The following RORA variants were observed in gnomAD, a reference collection of about 807,000 sequenced individuals.
RORA encodes nuclear receptor ROR-alpha.
A neutral mutation model predicts 69.5 loss-of-function variants in RORA; 7 were observed. The observed-to-expected ratio is 0.10, with a 90% CI of 0.06 to 0.19. RORA has a LOEUF of 0.19. RORA is among the 10% of genes least tolerant of loss of function. The probability of loss-of-function intolerance (pLI) is 1.00; values close to 1 mark genes in which losing one functional copy is unlikely to be tolerated. For missense variants in RORA, 457 were observed against 663.0 expected (o/e 0.69, Z 3.41); for synonymous variants, 261 against 240.8 (o/e 1.08, Z -0.78).
At chr15:60,987,380 C>G (rs980605956) in intron 1 of RORA, among the ~76,000 whole-genome samples, 14 of 152,156 alleles carry the variant, frequency 9.2e-5, no homozygotes, top group African/African-American at 3.4e-4. Flanking sequence ...CCTACCAAAA[C>G]AGTACTGCAT....
At chr15:61,022,340 GA>G (rs1334935963) in intron 1 of RORA, among the ~76,000 whole-genome samples, 1 of 152,154 alleles carries the variant, frequency 6.6e-6, no homozygotes, top group African/African-American at 2.4e-5. Context: ...TAATTTGTGG[GA>G]AAAAATGTAT....
intron 1 of RORA, among the ~76,000 whole-genome samples, chr15:61,089,150 AC>A (rs1341871211): frequency 2.0e-5 from 3 of 152,200 alleles, no homozygotes; most frequent in Non-Finnish European, 4.4e-5. Flanking sequence ...ATGAATCAGC[AC>A]CTCAAGCATA....
intron 1 of RORA, among the ~76,000 whole-genome samples, chr15:60,979,606 C>G (rs1205027522): frequency 6.6e-6 from 1 of 152,022 alleles, no homozygotes; most frequent in African/African-American, 2.4e-5. Flanking sequence ...AGTGGCATCA[C>G]TTTCTTAATT....
chr15:61,120,088 G>C (rs1323586955), intron 1 of RORA, among the ~76,000 whole-genome samples: 1 of 152,152 alleles, frequency 6.6e-6, no homozygotes, highest in Non-Finnish European at 1.5e-5. Context: ...CCGTCTGCTT[G>C]GGCTGTGGTT....
At chr15:60,622,852 A>G (rs1483213620) in intron 2 of RORA, among the ~76,000 whole-genome samples, 2 of 151,966 alleles carry the variant, frequency 1.3e-5, no homozygotes, top group African/African-American at 4.8e-5. Flanking sequence ...AGTAGCTGGG[A>G]GTACAGGCAT....
At chr15:61,150,337 A>G (rs925825084) in intron 1 of RORA, among the ~76,000 whole-genome samples, 1 of 152,230 alleles carries the variant, frequency 6.6e-6, no homozygotes, top group African/African-American at 2.4e-5. Context: ...TACAGTGTAC[A>G]GTTTAAAAAT....
At chr15:60,759,092 G>A (rs2071844460) in intron 1 of RORA, among the ~76,000 whole-genome samples, 1 of 152,184 alleles carries the variant, frequency 6.6e-6, no homozygotes, top group Admixed American at 6.5e-5. Context: ...CCAATCAAAT[G>A]CTGAATGAAT....
At chr15:60,850,845 T>C (rs2073316220) in intron 1 of RORA, among the ~76,000 whole-genome samples, 1 of 152,184 alleles carries the variant, frequency 6.6e-6, no homozygotes, top group South Asian at 2.1e-4. Context: ...GCTTTGGGAA[T>C]GTTTCAATGA....
chr15:61,144,873 T>C (rs183733693), intron 1 of RORA, among the ~76,000 whole-genome samples: 159 of 152,300 alleles, frequency 1.0e-3, no homozygotes, highest in Non-Finnish European at 1.7e-3. Flanking sequence ...TGTCTGGAAG[T>C]GAAAGAAGGA....
intron 1 of RORA, among the ~76,000 whole-genome samples, chr15:60,776,755 T>C (rs11071557): frequency 0.2 from 30,905 of 152,090 alleles, 3,620 homozygotes; most frequent in African/African-American, 0.33. Context: ...AAGGACTGTC[T>C]AGACATGGCA....
chr15:60,637,413 T>C (rs1429455491), intron 2 of RORA, among the ~76,000 whole-genome samples: 1 of 152,170 alleles, frequency 6.6e-6, no homozygotes, highest in East Asian at 1.9e-4. Flanking sequence ...TATGATCTTT[T>C]TTGACATACA....
At chr15:60,709,703 G>A (rs1355717304) in intron 1 of RORA, among the ~76,000 whole-genome samples, 1 of 151,446 alleles carries the variant, frequency 6.6e-6, no homozygotes, top group East Asian at 1.9e-4. Context: ...TCTAGTTGCA[G>A]GAAAACAAGC....
At chr15:60,577,024 C>A (rs2068045683) in intron 2 of RORA, among the ~76,000 whole-genome samples, 1 of 152,066 alleles carries the variant, frequency 6.6e-6, no homozygotes, top group Non-Finnish European at 1.5e-5. Context: ...AAATTTTATG[C>A]CCAGGTCTTT....
At chr15:60,926,542 G>C (rs1892224216) in intron 1 of RORA, among the ~76,000 whole-genome samples, 1 of 152,238 alleles carries the variant, frequency 6.6e-6, no homozygotes, top group African/African-American at 2.4e-5. Flanking sequence ...TCTTCTCAGA[G>C]AGGGTATTTG....
intron 2 of RORA, among the ~76,000 whole-genome samples, chr15:60,536,740 A>G (rs2066692446): frequency 1.3e-5 from 2 of 152,272 alleles, no homozygotes; most frequent in Non-Finnish European, 2.9e-5. Flanking sequence ...CCAATGGCCG[A>G]ACCTTGGGTA....
At chr15:61,099,653 C>T (rs1360642569) in intron 1 of RORA, among the ~76,000 whole-genome samples, 2 of 152,210 alleles carry the variant, frequency 1.3e-5, no homozygotes, top group Admixed American at 1.3e-4. Context: ...CTTTTCATCA[C>T]AATTGTGTAC....
At chr15:60,896,030 T>C (rs764516963) in intron 1 of RORA, among the ~76,000 whole-genome samples, 3 of 152,220 alleles carry the variant, frequency 2.0e-5, no homozygotes, top group Non-Finnish European at 4.4e-5. Flanking sequence ...TTATTCATTC[T>C]CTTATAATCA....
chr15:60,754,873 T>A (rs1044455007), intron 1 of RORA, among the ~76,000 whole-genome samples: 1 of 152,172 alleles, frequency 6.6e-6, no homozygotes, highest in African/African-American at 2.4e-5. Flanking sequence ...CTCCTTTCTC[T>A]TTCCTTCTAA....
At chr15:61,084,962 A>C (rs1427502938) in intron 1 of RORA, among the ~76,000 whole-genome samples, 1 of 151,826 alleles carries the variant, frequency 6.6e-6, no homozygotes, top group African/African-American at 2.4e-5. Context: ...AGTGACTCTT[A>C]ATCCTCAACC....
Sources: gnomAD v4.1 joint callset for allele counts (sites outside exome capture counted in the v4.1 genomes callset) on GRCh38, gnomAD v4.1.1 for gene constraint, MANE v1.5 for transcripts, NCBI Gene and HGNC (gene_info 2026-07-23, HGNC 2026-07-21) for gene names.